The following RBFOX1 variants were observed in gnomAD, a reference collection of about 807,000 sequenced individuals.
RBFOX1 encodes the protein RNA binding protein fox-1 homolog 1.
RBFOX1 carries 8 observed loss-of-function variants against 57.7 expected under a neutral mutation model. That is an observed-to-expected ratio of 0.14 (90% CI 0.08 to 0.25). The LOEUF (loss-of-function observed/expected upper bound fraction) is 0.25, where lower values mean the gene tolerates loss of function less well. RBFOX1 is among the 10% of genes least tolerant of loss of function. RBFOX1 has a pLI of 1.00. For missense variants in RBFOX1, 611 were observed against 548.5 expected, an observed-to-expected ratio of 1.11 and a Z score of -1.14; for synonymous variants, 326 against 222.4, an observed-to-expected ratio of 1.47 and a Z score of -4.15.
At chr16:6,776,318 G>A (rs1323615538) in intron 3 of RBFOX1, among the ~76,000 whole-genome samples, 1 of 152,110 alleles carries the variant, frequency 6.6e-6, no homozygotes, top group Admixed American at 6.6e-5. Flanking sequence ...GGCTGAGGCA[G>A]GAGAATGGTG....
chr16:7,147,522 A>C (rs575497199), intron 4 of RBFOX1, among the ~76,000 whole-genome samples: 1 of 152,118 alleles, frequency 6.6e-6, no homozygotes, highest in African/African-American at 2.4e-5. Flanking sequence ...CCTGATGTCC[A>C]TGTGTACTCA....
chr16:7,646,888 G>C (rs1442263750), intron 11 of RBFOX1, among the ~76,000 whole-genome samples: 6 of 152,166 alleles, frequency 3.9e-5, no homozygotes. Flanking sequence ...AGGGAGAGAA[G>C]ACACACTCAT....
At chr16:5,847,760 C>T (rs2151858546) in intron 3 of RBFOX1, among the ~76,000 whole-genome samples, 1 of 152,108 alleles carries the variant, frequency 6.6e-6, no homozygotes. Flanking sequence ...TCGGTCCGTG[C>T]AACAAACATT....
At chr16:5,977,083 T>G (rs748422943) in intron 4 of RBFOX1, among the ~76,000 whole-genome samples, 1 of 152,116 alleles carries the variant, frequency 6.6e-6, no homozygotes, top group African/African-American at 2.4e-5. Context: ...AGCCCAGGAA[T>G]CTGCATGGTG....
chr16:7,079,207 G>T (rs1039321406), intron 4 of RBFOX1, among the ~76,000 whole-genome samples: 4 of 152,024 alleles, frequency 2.6e-5, no homozygotes, highest in African/African-American at 9.7e-5. Flanking sequence ...CCAGGCGCGG[G>T]ACTGCATATG....
At chr16:7,098,190 G>T (rs1335875399) in intron 4 of RBFOX1, among the ~76,000 whole-genome samples, 2 of 152,176 alleles carry the variant, frequency 1.3e-5, no homozygotes, top group Admixed American at 6.5e-5. Flanking sequence ...TTTATTTAGA[G>T]ACAGAGTCTA....
intron 3 of RBFOX1, among the ~76,000 whole-genome samples, chr16:5,723,149 T>C (rs1265380283): frequency 6.6e-6 from 1 of 152,202 alleles, no homozygotes; most frequent in Non-Finnish European, 1.5e-5. Flanking sequence ...TGGACCACCC[T>C]TCCTGCTACT....
Position 7,218,667 on chromosome 16 carries a change from T to TGTGTGTGTGTGC in RBFOX1, c.27+166580_27+166581insCGTGTGTGTGTG, listed in dbSNP as rs1264498852. 3.9e-3 allele frequency among the ~76,000 whole-genome samples: 577 copies of TGTGTGTGTGTGC among 148,180 alleles called. 2 individuals carry two copies. Among genetic ancestry groups the TGTGTGTGTGTGC allele is most frequent in the Non-Finnish European group, 5.0e-3 (334 of 67,200 alleles). Reference sequence around the variant, plus strand: ...GTGTGTGTGTGTGTGTGTGTGTGTGTGTGTGTGTGTGTGTCCTTTTGTTCC... The same window carrying TGTGTGTGTGTGC: ...GTGTGTGTGTGTGTGTGTGTGTGTGTGTGTGTGTGTGCGTGTGTGTGTGTGTCCTTTTGTTCC... On this transcript the variant is annotated intron_variant, in intron 4 of 15. Transcript: ENST00000550418.
At chr16:5,563,084 G>T (rs1045606852) in intron 2 of RBFOX1, among the ~76,000 whole-genome samples, 4 of 152,066 alleles carry the variant, frequency 2.6e-5, no homozygotes, top group African/African-American at 9.7e-5. Flanking sequence ...TGAGTAGCTG[G>T]GCTTACAGGC....
chr16:6,722,890 C>A (rs185207832), intron 3 of RBFOX1, among the ~76,000 whole-genome samples: 7 of 152,268 alleles, frequency 4.6e-5, no homozygotes, highest in Non-Finnish European at 7.3e-5. Flanking sequence ...CCTGGTCTGG[C>A]CCCCCGTGGG....
chr16:6,869,472 GT>G (rs5815352), intron 3 of RBFOX1, among the ~76,000 whole-genome samples: 109,277 of 148,216 alleles, frequency 0.74, 40,603 homozygotes, highest in East Asian at 0.92. Flanking sequence ...GTCTTTTGAG[GT>G]TTTTTTTTTT....
chr16:6,942,902 C>T (rs1379516397), intron 3 of RBFOX1, among the ~76,000 whole-genome samples: 1 of 152,208 alleles, frequency 6.6e-6, no homozygotes, highest in Non-Finnish European at 1.5e-5. Flanking sequence ...ATACAAAGTA[C>T]ACAGTTGTGG....
rs183765726 is a variant in RBFOX1 at position 7,035,495 on chromosome 16, G to A, written c.-15-16562G>A. On this transcript the variant is annotated intron_variant, in intron 3 of 15. Transcript: ENST00000550418. The stretch of plus-strand genomic sequence containing the variant: ...ACTTCCCCTGGGATTATTTCAGAGC[G>A]CATTTGCAGAATTTAATTGCAATAT... 2.0e-5 allele frequency among the ~76,000 whole-genome samples: 3 copies of A among 152,126 alleles called. 1 individual carries two copies. Among genetic ancestry groups the A allele is most frequent in the South Asian group, 4.1e-4 (2 of 4,832 alleles).
At chr16:5,997,694 C>T (rs2060514872) in intron 4 of RBFOX1, among the ~76,000 whole-genome samples, 1 of 152,178 alleles carries the variant, frequency 6.6e-6, no homozygotes, top group Non-Finnish European at 1.5e-5. Context: ...ATGGTTTTCA[C>T]ATTTTCCCAA....
At chr16:7,272,461 G>A (rs1022928912) in intron 4 of RBFOX1, among the ~76,000 whole-genome samples, 1 of 152,218 alleles carries the variant, frequency 6.6e-6, no homozygotes, top group African/African-American at 2.4e-5. Flanking sequence ...TGGAATTACA[G>A]GCATCAGCCA....
intron 1 of RBFOX1, among the ~76,000 whole-genome samples, chr16:6,102,449 A>T (rs1044523174): frequency 6.6e-6 from 1 of 152,206 alleles, no homozygotes; most frequent in Non-Finnish European, 1.5e-5. Flanking sequence ...TTGCAACAAC[A>T]TCAATCATTG....
intron 3 of RBFOX1, among the ~76,000 whole-genome samples, chr16:7,006,743 T>C (rs547292418): frequency 1.3e-5 from 2 of 152,300 alleles, no homozygotes; most frequent in African/African-American, 4.8e-5. Flanking sequence ...CCACCATGCC[T>C]GGCAATTAAT....
At chr16:7,682,650 G>A (rs183243746) in intron 14 of RBFOX1, among the ~76,000 whole-genome samples, 188 of 150,784 alleles carry the variant, frequency 1.2e-3, no homozygotes, top group Admixed American at 4.2e-3. Flanking sequence ...TAATAAGAAT[G>A]TAGCAGAAAT....
intron 2 of RBFOX1, among the ~76,000 whole-genome samples, chr16:5,553,763 G>A (rs1410247882): frequency 2.6e-5 from 4 of 151,074 alleles, no homozygotes; most frequent in Non-Finnish European, 4.4e-5. Flanking sequence ...GTATATACAT[G>A]TGAAACCTCA....
Sources: allele counts gnomAD v4.1 joint callset (sites outside exome capture counted in the v4.1 genomes callset), GRCh38; gene constraint gnomAD v4.1.1; transcripts MANE v1.5; gene names NCBI Gene and HGNC (gene_info 2026-07-23, HGNC 2026-07-21).